TRPM7: variants seen among roughly 807,000 people sequenced by gnomAD.
TRPM7 encodes the protein transient receptor potential cation channel subfamily M member 7.
In TRPM7, 134 loss-of-function variants were observed where a neutral mutation model predicts 229.7. The ratio of observed to expected loss-of-function variants is 0.58; its 90% CI spans 0.51 to 0.67. The LOEUF is 0.67. Ranked by LOEUF, TRPM7 falls within the 30% of genes least tolerant of loss-of-function variation. TRPM7 has a pLI of 0.00. For synonymous variants in TRPM7, 699 were observed against 715.2 expected, an observed-to-expected ratio of 0.98 and a Z score of 0.36; for missense variants, 1,901 against 2,210.0, an observed-to-expected ratio of 0.86 and a Z score of 2.80.
At chr15:50,600,274 T>C (rs1328507424) in intron 21 of TRPM7, among the ~76,000 whole-genome samples, 1 of 152,024 alleles carries the variant, frequency 6.6e-6, no homozygotes, top group Admixed American at 6.6e-5. Context: ...CTGTGTCTAC[T>C]AAAAATATAA....
chr15:50,619,884 C>T (rs2060340948), intron 12 of TRPM7, 86 bp from the exon 13 acceptor site: 1 of 1,124,828 alleles, frequency 8.9e-7, no homozygotes, highest in African/African-American at 1.6e-5. Flanking sequence ...CCTTCTTATA[C>T]AAATTACATT....
At position 50,609,720 on chromosome 15, in the gene TRPM7, A is replaced by T. The variant is rs774247485; in HGVS notation, c.2441T>A (p.Val814Glu). The change falls in exon 19 of 39, where the codon GTG becomes GAG. Residue 814 changes from valine (V) to glutamate (E), a missense_variant. This residue lies in a region of TRPM7 where 207 missense variants were observed against 241.5 expected (regional missense o/e 0.86). Transcript: ENST00000646667. The part of the protein sequence containing the change: ...QNITEEIPME[V>E]FKEVRILDSN... ...ATCCAAAATCCGTACTTCTTTAAAC[A>T]CTTCCTAAAATTAAAAAAAAAAAAA... The T allele has an allele frequency of 6.4e-7, 1 of 1,563,720 alleles. No homozygotes were observed. The highest frequency in any genetic ancestry group is 1.2e-5 in the South Asian group (1 of 84,124).
At chr15:50,620,103 T>C (rs2060346939) in intron 12 of TRPM7, among the ~76,000 whole-genome samples, 1 of 152,204 alleles carries the variant, frequency 6.6e-6, no homozygotes, top group African/African-American at 2.4e-5. Context: ...ACAATACCTT[T>C]CTTCTTGTTA....
In TRPM7 at chr15:50,574,635, A is replaced by T. The variant is rs765497507; in HGVS notation, c.5102+2T>A. The T allele has an allele frequency of 6.2e-7, 1 of 1,611,042 alleles. No homozygotes were observed. The highest frequency in any genetic ancestry group is 8.5e-7 in the Non-Finnish European group (1 of 1,178,826). ...GATCCCAGAAAAAAATTAAAGATTT[A>T]CCTTGGAGAATATGGTATGGATTTG... On this transcript the variant is annotated splice_donor_variant, in intron 35 of 38. Transcript: ENST00000646667. LOFTEE classifies it high-confidence loss of function.
At chr15:50,645,168 G>A (rs771574023) in intron 4 of TRPM7, among the ~76,000 whole-genome samples, 1 of 151,886 alleles carries the variant, frequency 6.6e-6, no homozygotes, top group Non-Finnish European at 1.5e-5. Context: ...GCCTCCCAAA[G>A]TGCTGGGATT....
chr15:50,574,626 T>C lies in TRPM7; in HGVS notation c.5102+11A>G, dbSNP rs778935590. 8.4e-5 allele frequency: 135 copies of C among 1,603,634 alleles called. No individual in the cohort carries two copies. Among genetic ancestry groups the C allele is most frequent in the Non-Finnish European group, 1.1e-4 (134 of 1,176,688 alleles). ...ATAATAAAAGATCCCAGAAAAAAAT[T>C]AAAGATTTACCTTGGAGAATATGGT... On this transcript the variant is annotated intron_variant, in intron 35 of 38. Coordinates refer to ENST00000646667, the MANE Select transcript of TRPM7 (RefSeq NM_017672.6).
Position 50,666,230 on chromosome 15 carries a change from A to G in TRPM7, c.4-3184T>C, listed in dbSNP as rs371163387. 2.6e-5 allele frequency among the ~76,000 whole-genome samples: 4 copies of G among 152,182 alleles called. No individual in the cohort carries two copies. The East Asian group carries it at 7.8e-4, about 30-fold the overall frequency. On this transcript the variant is annotated intron_variant, in intron 1 of 38. Coordinates refer to ENST00000646667, the MANE Select transcript of TRPM7 (RefSeq NM_017672.6). Reference sequence around the variant, plus strand: ...GCCAGGCAGATCACTTGAGTCCAGGAGTTTGAGACCAGCCTGGGCAACATG... The same window carrying G: ...GCCAGGCAGATCACTTGAGTCCAGGGGTTTGAGACCAGCCTGGGCAACATG...
At chr15:50,581,094 C>A (rs1294595663) in intron 29 of TRPM7, among the ~76,000 whole-genome samples, 186 bp from the exon 30 acceptor site, 1 of 152,048 alleles carries the variant, frequency 6.6e-6, no homozygotes, top group African/African-American at 2.4e-5. Flanking sequence ...ATGTAACTAC[C>A]ATAAGACTAT....
chr15:50,559,603 G>A lies in TRPM7; in HGVS notation c.*2075C>T, dbSNP rs933909312. On this transcript the variant is annotated 3_prime_UTR_variant, in exon 39 of 39. Transcript: ENST00000646667. The stretch of plus-strand genomic sequence containing the variant: ...CGTTGCTACTTATTATTAAATAAAC[G>A]TAAGAATCTTATGGACGTTACTTTA... 1.3e-5 allele frequency: 2 copies of A among 152,116 alleles called. No individual in the cohort carries two copies. Among genetic ancestry groups the A allele is most frequent in the African/African-American group, 2.4e-5 (1 of 41,412 alleles). 9.4% of individuals were successfully genotyped at this position (152,116 alleles called of 1,614,324 possible).
chr15:50,647,690 G>A (rs946036548), intron 4 of TRPM7, among the ~76,000 whole-genome samples: 1 of 152,016 alleles, frequency 6.6e-6, no homozygotes, highest in African/African-American at 2.4e-5. Flanking sequence ...AGGTTGCAGT[G>A]AGCCGAGATT....
chr15:50,603,275 T>A (rs1402520453), intron 21 of TRPM7, among the ~76,000 whole-genome samples: 3 of 152,236 alleles, frequency 2.0e-5, no homozygotes, highest in African/African-American at 7.2e-5. Context: ...CTTGTGAGCT[T>A]AGCAGGGTTA....
intron 3 of TRPM7, among the ~76,000 whole-genome samples, chr15:50,655,528 A>G (rs2061541368): frequency 6.6e-6 from 1 of 152,080 alleles, no homozygotes; most frequent in Non-Finnish European, 1.5e-5. Context: ...GTACAAAGAG[A>G]ATCACTCTCA....
chr15:50,643,606 T>A, intron 4 of TRPM7, 53 bp from the exon 5 acceptor site: 1 of 1,487,954 alleles, frequency 6.7e-7, no homozygotes, highest in Non-Finnish European at 9.3e-7. Context: ...ACAGGTTTCA[T>A]AATGTGACAT....
chr15:50,588,605 G>A (rs748049064), intron 27 of TRPM7, among the ~76,000 whole-genome samples: 42 of 152,086 alleles, frequency 2.8e-4, no homozygotes, highest in Non-Finnish European at 5.0e-4. Context: ...CTTGGTTCTA[G>A]CTTTAGGAAA....
At chr15:50,679,309 T>A (rs919186617) in intron 1 of TRPM7, among the ~76,000 whole-genome samples, 29 of 147,236 alleles carry the variant, frequency 2.0e-4, no homozygotes, top group African/African-American at 7.2e-4. Context: ...CACTCTGACA[T>A]GGGCAACAGA....
At chr15:50,576,678 A>G (rs540519426) in intron 31 of TRPM7, among the ~76,000 whole-genome samples, 10 of 152,298 alleles carry the variant, frequency 6.6e-5, no homozygotes, top group Admixed American at 3.9e-4. Flanking sequence ...AAATATTCTA[A>G]TTCTGTAGGT....
In TRPM7 at chr15:50,648,748, C is replaced by T. The variant is rs1567079435; in HGVS notation, c.260G>A (p.Ser87Asn). 1 of 1,613,384 alleles carries T rather than the reference C, an allele frequency of 6.2e-7. No homozygotes were observed. Among genetic ancestry groups the T allele is most frequent in the Non-Finnish European group, 8.5e-7 (1 of 1,179,602 alleles). ...EWSVEKHTEQ[S>N]PTDAYGVINF... is the part of the protein sequence containing the mutation. ...TATGACTCCATAAGCATCCGTTGGG[C>T]TCTGTTCTGTATGCTTTTCCACAGA... The change falls in exon 4 of 39, where the codon AGC becomes AAC. Residue 87 changes from serine to asparagine, a missense_variant. By Grantham distance (46) the Ser-to-Asn change is conservative (BLOSUM62 1). Coordinates refer to ENST00000646667, the MANE Select transcript of TRPM7 (RefSeq NM_017672.6).
chr15:50,620,041 C>T (rs1387226603), intron 12 of TRPM7, among the ~76,000 whole-genome samples: 2 of 152,198 alleles, frequency 1.3e-5, no homozygotes, highest in Non-Finnish European at 2.9e-5. Flanking sequence ...TGCAACTTTA[C>T]AATTGTATCT....
At chr15:50,574,176 GATTTT>G in intron 36 of TRPM7, 93 bp downstream of exon 36, 1 of 985,382 alleles carries the variant, frequency 1.0e-6, no homozygotes, top group Non-Finnish European at 1.5e-6. Flanking sequence ...ATTGGCCTAA[GATTTT>G]ATTTATCTAT....
Sources: allele counts gnomAD v4.1 joint callset (sites outside exome capture counted in the v4.1 genomes callset), GRCh38; gene constraint gnomAD v4.1.1; regional missense constraint gnomAD v4.1.1; transcripts MANE v1.5; gene names NCBI Gene and HGNC (gene_info 2026-07-23, HGNC 2026-07-21).